The following BNC2 variants were observed in gnomAD, a reference collection of about 807,000 sequenced individuals.
BNC2 encodes zinc finger protein basonuclin-2.
Under a neutral mutation model 76.3 loss-of-function variants are expected in BNC2, and 20 were observed. The ratio of observed to expected loss-of-function variants is 0.26; its 90% CI spans 0.18 to 0.38. The LOEUF is 0.38. Among genes scored for constraint, BNC2 ranks in the 10% least tolerant of loss-of-function variants. The pLI is 1.00. For missense variants in BNC2, 1,382 were observed against 1,399.8 expected, an observed-to-expected ratio of 0.99 and a Z score of 0.20; for synonymous variants, 582 against 514.8, an observed-to-expected ratio of 1.13 and a Z score of -1.77.
intron 1 of BNC2, among the ~76,000 whole-genome samples, chr9:16,785,325 C>T (rs1826257335): frequency 6.6e-6 from 1 of 152,118 alleles, no homozygotes. Flanking sequence ...ATCACCACTG[C>T]AAAAACTGAG....
intron 3 of BNC2, among the ~76,000 whole-genome samples, chr9:16,698,246 C>T (rs1163013681): frequency 6.6e-6 from 1 of 152,074 alleles, no homozygotes. Context: ...CTAGCAGTAT[C>T]ACATCTGTCT....
chr9:16,600,564 G>A (rs1708463406), intron 3 of BNC2, among the ~76,000 whole-genome samples: 1 of 151,984 alleles, frequency 6.6e-6, no homozygotes, highest in Non-Finnish European at 1.5e-5. Context: ...TAAAGTTAAG[G>A]TATACATGCT....
intron 5 of BNC2, among the ~76,000 whole-genome samples, chr9:16,483,533 G>A (rs903133871): frequency 6.6e-6 from 1 of 152,152 alleles, no homozygotes; most frequent in African/African-American, 2.4e-5. Flanking sequence ...GGTATACAGA[G>A]TGGTATACAC....
intron 1 of BNC2, among the ~76,000 whole-genome samples, chr9:16,762,539 G>A (rs1330300): frequency 0.9 from 136,658 of 152,244 alleles, 61,390 homozygotes; most frequent in East Asian, 0.99. Context: ...CACTTTAGGA[G>A]ACCCAACACC....
chr9:16,474,960 C>A (rs535349851), intron 5 of BNC2, among the ~76,000 whole-genome samples: 1 of 152,260 alleles, frequency 6.6e-6, no homozygotes, highest in South Asian at 2.1e-4. Context: ...AGCTTCAACA[C>A]AGAAAGAACT....
chr9:16,666,275 T>C (rs957047753), intron 3 of BNC2, among the ~76,000 whole-genome samples: 9 of 152,362 alleles, frequency 5.9e-5, no homozygotes, highest in South Asian at 2.1e-4. Flanking sequence ...TTTGGTCTCA[T>C]CTTCAGTTCT....
chr9:16,557,430 C>T (rs1427132526), intron 4 of BNC2, among the ~76,000 whole-genome samples: 2 of 151,308 alleles, frequency 1.3e-5, no homozygotes, highest in South Asian at 2.1e-4. Flanking sequence ...ACCCAGGAGG[C>T]GAAGGTTGCA....
chr9:16,522,451 C>A (rs1817648255), intron 5 of BNC2, among the ~76,000 whole-genome samples: 1 of 152,062 alleles, frequency 6.6e-6, no homozygotes, highest in Non-Finnish European at 1.5e-5. Flanking sequence ...AAGACCTTAG[C>A]TAGAGACATA....
chr9:16,521,309 C>T (rs76362556), intron 5 of BNC2, among the ~76,000 whole-genome samples: 4,302 of 152,164 alleles, frequency 0.028, 227 homozygotes, highest in African/African-American at 0.097. Flanking sequence ...CCGAATGTAC[C>T]CACAACCCAA....
At chr9:16,491,696 C>T (rs1051814558) in intron 5 of BNC2, among the ~76,000 whole-genome samples, 1 of 152,134 alleles carries the variant, frequency 6.6e-6, no homozygotes. Context: ...ATGCATCATA[C>T]CTTGTTCACA....
chr9:16,620,408 T>C (rs1373801316), intron 3 of BNC2, among the ~76,000 whole-genome samples: 1 of 152,212 alleles, frequency 6.6e-6, no homozygotes, highest in African/African-American at 2.4e-5. Context: ...AAAAGTGTTA[T>C]TTCTTCATGG....
chr9:16,499,568 T>C (rs915740560), intron 5 of BNC2, among the ~76,000 whole-genome samples: 2 of 150,038 alleles, frequency 1.3e-5, no homozygotes, highest in African/African-American at 4.9e-5. Context: ...CTCACTCTGT[T>C]GTCCAAGCTG....
intron 1 of BNC2, chr9:16,867,532 C>T (rs1045534620): frequency 6.6e-6 from 1 of 152,124 alleles, no homozygotes; most frequent in Non-Finnish European, 1.5e-5. Flanking sequence ...TTCACTAAGG[C>T]CATCTTTCAA....
At chr9:16,425,008 A>G (rs951000860) in intron 6 of BNC2, among the ~76,000 whole-genome samples, 3 of 152,156 alleles carry the variant, frequency 2.0e-5, no homozygotes, top group Non-Finnish European at 4.4e-5. Flanking sequence ...AGATCTGAAA[A>G]CCATCCCCTA....
chr9:16,711,127 A>G (rs1823828651), intron 3 of BNC2, among the ~76,000 whole-genome samples: 1 of 152,034 alleles, frequency 6.6e-6, no homozygotes, highest in Non-Finnish European at 1.5e-5. Context: ...TTTCTCCTAT[A>G]CCAGTGACAG....
chr9:16,742,908 T>C (rs1012616591), intron 1 of BNC2, among the ~76,000 whole-genome samples: 1 of 152,196 alleles, frequency 6.6e-6, no homozygotes, highest in African/African-American at 2.4e-5. Context: ...TGTACCTGAA[T>C]GAGAAAACTG....
At chr9:16,699,464 C>T (rs1170512848) in intron 3 of BNC2, among the ~76,000 whole-genome samples, 3 of 152,204 alleles carry the variant, frequency 2.0e-5, no homozygotes, top group Non-Finnish European at 2.9e-5. Context: ...TCTCCACCCT[C>T]ATTTTCTTCT....
At chr9:16,683,713 G>A (rs1175255806) in intron 3 of BNC2, among the ~76,000 whole-genome samples, 1 of 152,186 alleles carries the variant, frequency 6.6e-6, no homozygotes, top group Non-Finnish European at 1.5e-5. Flanking sequence ...CTTTATTATG[G>A]TGGACATAAT....
At chr9:16,678,278 T>TC (rs1563894591) in intron 3 of BNC2, among the ~76,000 whole-genome samples, 1 of 125,596 alleles carries the variant, frequency 8.0e-6, no homozygotes, top group African/African-American at 3.1e-5. Context: ...TTTTTTTTTT[T>TC]TTTTTTTTTT....
Sources: gnomAD v4.1 joint callset for allele counts (sites outside exome capture counted in the v4.1 genomes callset) on GRCh38, gnomAD v4.1.1 for gene constraint, MANE v1.5 for transcripts, NCBI Gene and HGNC (gene_info 2026-07-23, HGNC 2026-07-21) for gene names.